JAK1: variants seen among roughly 807,000 people sequenced by gnomAD.
The protein encoded by JAK1 is tyrosine-protein kinase JAK1.
JAK1 carries 16 observed loss-of-function variants against 136.6 expected under a neutral mutation model. The observed-to-expected ratio is 0.12, with a 90% CI of 0.08 to 0.18. The LOEUF (loss-of-function observed/expected upper bound fraction) is 0.18, where lower values mean the gene tolerates loss of function less well. JAK1 is among the 10% of genes least tolerant of loss of function. The pLI is 1.00. For synonymous variants in JAK1, 492 were observed against 519.5 expected, an observed-to-expected ratio of 0.95 and a Z score of 0.72; for missense variants, 859 against 1,450.1, an observed-to-expected ratio of 0.59 and a Z score of 6.62.
intron 1 of JAK1, among the ~76,000 whole-genome samples, chr1:65,056,325 C>T (rs1042649032): frequency 6.6e-6 from 1 of 152,188 alleles, no homozygotes. Context: ...GAAAAAATAA[C>T]AGTTCTGGGC....
chr1:64,863,995 C>T (rs543056348), intron 8 of JAK1, among the ~76,000 whole-genome samples: 118 of 152,224 alleles, frequency 7.8e-4, no homozygotes, highest in African/African-American at 2.4e-3. Flanking sequence ...AACTGTTTTC[C>T]AAAAGGTTAT....
intron 1 of JAK1, among the ~76,000 whole-genome samples, chr1:65,060,981 A>G (rs761589100): frequency 6.6e-6 from 1 of 152,238 alleles, no homozygotes; most frequent in South Asian, 2.1e-4. Context: ...GCTTTCTTCC[A>G]GGACCCAAAC....
chr1:65,038,938 TTGTGTGTG>T (rs150814115), intron 2 of JAK1, among the ~76,000 whole-genome samples: 1 of 147,856 alleles, frequency 6.8e-6, no homozygotes, highest in Non-Finnish European at 1.5e-5. Flanking sequence ...GCACCCAGTC[TTGTGTGTG>T]TGTGTGTGTG....
intron 20 of JAK1, among the ~76,000 whole-genome samples, chr1:64,839,081 G>A (rs1220513346): frequency 2.1e-5 from 3 of 141,344 alleles, no homozygotes; most frequent in Non-Finnish European, 4.5e-5. Flanking sequence ...GGGAGGCGGA[G>A]CTTGCAGTGA....
At chr1:64,925,842 G>T (rs1645574568) in intron 1 of JAK1, among the ~76,000 whole-genome samples, 1 of 152,094 alleles carries the variant, frequency 6.6e-6, no homozygotes, top group Non-Finnish European at 1.5e-5. Context: ...AGATTATACA[G>T]CCCAGATCTG....
upstream of JAK1, among the ~76,000 whole-genome samples, chr1:64,966,693 C>T (rs1646390151): frequency 6.6e-6 from 1 of 151,170 alleles, no homozygotes; most frequent in East Asian, 2.0e-4. Context: ...CGCCTCCGGC[C>T]TACCCGCCCC....
chr1:64,978,021 T>C (rs1402348928), intron 2 of JAK1, among the ~76,000 whole-genome samples: 1 of 152,200 alleles, frequency 6.6e-6, no homozygotes, highest in East Asian at 1.9e-4. Context: ...GGCTCACGCC[T>C]GTAACCCCAA....
chr1:65,067,147 G>C (rs1488808340), intron 1 of JAK1, among the ~76,000 whole-genome samples: 1 of 151,200 alleles, frequency 6.6e-6, no homozygotes, highest in Admixed American at 6.6e-5. Flanking sequence ...GCCCGGCCCG[G>C]CCCGCCCCGC....
chr1:65,019,644 TG>T (rs1162403467), intron 2 of JAK1, among the ~76,000 whole-genome samples: 1 of 152,124 alleles, frequency 6.6e-6, no homozygotes, highest in East Asian at 1.9e-4. Flanking sequence ...AGGCCGGGCA[TG>T]GTGGCTCACT....
rs745310596 is a variant in JAK1 at position 64,857,621 on chromosome 1, T to C, written c.1458+35A>G. The C allele has an allele frequency of 1.9e-6, 3 of 1,612,722 alleles. No individual in the cohort carries two copies. In the South Asian group the frequency reaches 3.3e-5, roughly 18 times the overall value. On this transcript the variant is annotated intron_variant, in intron 10 of 24. Coordinates refer to ENST00000342505, the MANE Select transcript of JAK1 (RefSeq NM_002227.4). ...CAGGCTACACTGGACACCTCATGGC[T>C]GTATGGCCTGGTCCAAGCCAGTGTC...
chr1:64,923,497 T>C (rs1277135467), intron 1 of JAK1, among the ~76,000 whole-genome samples: 4 of 152,200 alleles, frequency 2.6e-5, no homozygotes, highest in Non-Finnish European at 1.5e-5. Flanking sequence ...CAAAACCACT[T>C]TGGTTCAGAT....
chr1:64,929,041 T>C (rs954587146), intron 1 of JAK1, among the ~76,000 whole-genome samples: 1 of 152,210 alleles, frequency 6.6e-6, no homozygotes, highest in African/African-American at 2.4e-5. Flanking sequence ...ACTGGAATTA[T>C]CTTTTTAAAA....
chr1:64,838,708 C>T, intron 20 of JAK1, 119 bp from the exon 21 acceptor site: 1 of 927,150 alleles, frequency 1.1e-6, no homozygotes, highest in Non-Finnish European at 1.6e-6. Context: ...CCCTTCATTA[C>T]AGGCATGTTA....
intron 19 of JAK1, 151 bp downstream of exon 19, chr1:64,841,094 G>T: frequency 1.6e-6 from 1 of 629,876 alleles, no homozygotes; most frequent in Non-Finnish European, 2.8e-6. Context: ...CCCTTGTGAT[G>T]AAAGTGGCCC....
intron 1 of JAK1, among the ~76,000 whole-genome samples, chr1:64,943,413 T>C (rs775926233): frequency 6.6e-6 from 1 of 152,162 alleles, no homozygotes; most frequent in Non-Finnish European, 1.5e-5. Context: ...TTTATAGAGT[T>C]TTAGTGTAAA....
At chr1:64,966,739 C>G (rs945367528), upstream of JAK1, among the ~76,000 whole-genome samples, 2 of 151,030 alleles carry the variant, frequency 1.3e-5, no homozygotes, top group African/African-American at 4.9e-5. Context: ...GCTGCCCCCA[C>G]TCGTCTCTGT....
chr1:64,835,605 A>T, intron 23 of JAK1, 99 bp from the exon 24 acceptor site: 1 of 748,018 alleles, frequency 1.3e-6, no homozygotes, highest in East Asian at 2.6e-5. Context: ...CTGGAAATTT[A>T]AGTAGCAATA....
At chr1:65,002,551 CT>C (rs1265192484) in intron 2 of JAK1, 1 of 152,296 alleles carries the variant, frequency 6.6e-6, no homozygotes, top group Non-Finnish European at 1.5e-5. Flanking sequence ...TGTGACCAAA[CT>C]TGGATCACCA....
chr1:64,881,810 T>C (rs1644776789), intron 3 of JAK1, among the ~76,000 whole-genome samples: 1 of 152,194 alleles, frequency 6.6e-6, no homozygotes, highest in South Asian at 2.1e-4. Flanking sequence ...AGCAGCCCAA[T>C]GACTCTGCAA....
Sources: allele counts gnomAD v4.1 joint callset (sites outside exome capture counted in the v4.1 genomes callset), GRCh38; gene constraint gnomAD v4.1.1; transcripts MANE v1.5; gene names NCBI Gene and HGNC (gene_info 2026-07-23, HGNC 2026-07-21).